Variants in PDE1C observed in about 807,000 individuals in gnomAD.
PDE1C encodes dual specificity calcium/calmodulin-dependent 3',5'-cyclic nucleotide phosphodiesterase 1C.
Under a neutral mutation model 93.1 loss-of-function variants are expected in PDE1C, and 62 were observed. The ratio of observed to expected loss-of-function variants is 0.67; its 90% CI spans 0.54 to 0.82. The LOEUF is 0.82. PDE1C is among the 40% of genes least tolerant of loss of function. The pLI, the probability that PDE1C is intolerant of heterozygous loss-of-function variation, is 0.00. For missense variants in PDE1C, 742 were observed against 884.6 expected, an observed-to-expected ratio of 0.84 and a Z score of 2.04; for synonymous variants, 325 against 310.1, an observed-to-expected ratio of 1.05 and a Z score of -0.50.
chr7:31,937,514 T>C (rs142313337), intron 2 of PDE1C, among the ~76,000 whole-genome samples: 4,045 of 152,226 alleles, frequency 0.027, 63 homozygotes, highest in South Asian at 0.074. Flanking sequence ...TCCCTTCCCA[T>C]CATGGCTGGA....
intron 1 of PDE1C, among the ~76,000 whole-genome samples, chr7:32,401,475 TG>T (rs1219263343): frequency 2.0e-5 from 3 of 150,316 alleles, no homozygotes; most frequent in African/African-American, 7.4e-5. Flanking sequence ...AGGCAGACGT[TG>T]CAGTGAGCCA....
chr7:31,874,960 C>G (rs776165560), intron 5 of PDE1C, among the ~76,000 whole-genome samples: 33 of 152,174 alleles, frequency 2.2e-4, no homozygotes, highest in African/African-American at 7.5e-4. Flanking sequence ...CACCAATGAC[C>G]CTTAATGATC....
chr7:32,340,961 T>C (rs1783735395), intron 1 of PDE1C, among the ~76,000 whole-genome samples: 1 of 152,086 alleles, frequency 6.6e-6, no homozygotes, highest in Non-Finnish European at 1.5e-5. Context: ...ACCCATAGAC[T>C]GTGCAACACC....
intron 2 of PDE1C, among the ~76,000 whole-genome samples, chr7:32,174,581 T>A (rs1294017439): frequency 6.6e-6 from 1 of 152,092 alleles, no homozygotes; most frequent in Non-Finnish European, 1.5e-5. Context: ...ACAAAGCAGC[T>A]CCTGAGGCTG....
intron 2 of PDE1C, among the ~76,000 whole-genome samples, chr7:31,924,770 T>C (rs1803123756): frequency 6.6e-6 from 1 of 152,140 alleles, no homozygotes; most frequent in Admixed American, 6.5e-5. Context: ...GTCCAAAGCA[T>C]CACATTTTTC....
intron 2 of PDE1C, among the ~76,000 whole-genome samples, chr7:31,939,428 T>G (rs1277249782): frequency 6.6e-6 from 1 of 152,166 alleles, no homozygotes; most frequent in Non-Finnish European, 1.5e-5. Context: ...CCTTTGTTTT[T>G]AATATTTAGT....
the PDE1C span, among the ~76,000 whole-genome samples, chr7:31,710,033 C>T: frequency 0.03 from 4,501 of 152,094 alleles, 241 homozygotes; most frequent in African/African-American, 0.1. Context: ...ACTGTGGTAT[C>T]GGCTACTCAG....
At chr7:32,417,961 A>G (rs1307897577) in intron 1 of PDE1C, among the ~76,000 whole-genome samples, 2 of 152,082 alleles carry the variant, frequency 1.3e-5, no homozygotes, top group Non-Finnish European at 2.9e-5. Flanking sequence ...TACTTCTGGA[A>G]ACTTGTGTTT....
At chr7:31,999,317 T>C (rs1785155583) in intron 2 of PDE1C, among the ~76,000 whole-genome samples, 1 of 152,200 alleles carries the variant, frequency 6.6e-6, no homozygotes, top group African/African-American at 2.4e-5. Flanking sequence ...AATGTGCTTT[T>C]CATAAGAACA....
At chr7:31,789,642 G>A in intron 16 of PDE1C, 2 of 963,906 alleles carry the variant, frequency 2.1e-6, no homozygotes, top group Non-Finnish European at 2.5e-6. Context: ...CTGTATTACA[G>A]AAGTGGGAAA....
At chr7:31,931,973 T>A (rs188548858) in intron 2 of PDE1C, among the ~76,000 whole-genome samples, 113 of 152,332 alleles carry the variant, frequency 7.4e-4, no homozygotes, top group African/African-American at 2.6e-3. Flanking sequence ...GGGAAAGGAT[T>A]CCCTATTTAA....
intron 14 of PDE1C, among the ~76,000 whole-genome samples, chr7:31,817,109 T>C (rs1372880957): frequency 6.6e-6 from 1 of 152,120 alleles, no homozygotes; most frequent in Admixed American, 6.6e-5. Flanking sequence ...ACTAAGATAC[T>C]TGCAGTTTAT....
intron 3 of PDE1C, among the ~76,000 whole-genome samples, chr7:32,128,215 C>T (rs1228021512): frequency 1.3e-5 from 2 of 151,330 alleles, no homozygotes; most frequent in Admixed American, 1.3e-4. Flanking sequence ...AAATAAACAC[C>T]AGTGTATTAA....
At chr7:31,991,203 GT>G (rs1291336185) in intron 2 of PDE1C, among the ~76,000 whole-genome samples, 2 of 152,144 alleles carry the variant, frequency 1.3e-5, no homozygotes, top group African/African-American at 2.4e-5. Flanking sequence ...AGAAATGAGA[GT>G]TAATAGTGCC....
intron 2 of PDE1C, among the ~76,000 whole-genome samples, chr7:31,942,104 T>A (rs1306243490): frequency 3.3e-5 from 5 of 152,146 alleles, no homozygotes; most frequent in Admixed American, 3.3e-4. Flanking sequence ...CTTTTTTCAT[T>A]CGCCTCTAAA....
intron 16 of PDE1C, among the ~76,000 whole-genome samples, chr7:31,776,300 G>A (rs978849589): frequency 2.4e-4 from 37 of 152,162 alleles, no homozygotes; most frequent in African/African-American, 8.2e-4. Flanking sequence ...CAATTGCGTC[G>A]AAGTGTTCCA....
chr7:31,971,769 C>T (rs1810992189), intron 2 of PDE1C, among the ~76,000 whole-genome samples: 1 of 152,222 alleles, frequency 6.6e-6, no homozygotes, highest in Non-Finnish European at 1.5e-5. Flanking sequence ...CCACTCCCTT[C>T]TTCCTCCAAG....
the PDE1C span, chr7:31,651,832 C>A: frequency 3.2e-5 from 21 of 656,546 alleles, no homozygotes; most frequent in Middle Eastern, 4.5e-4. Flanking sequence ...AGATGACATT[C>A]TCTTTTAAGA....
chr7:32,247,239 AATTG>A (rs1809026608), intron 1 of PDE1C, among the ~76,000 whole-genome samples: 1 of 149,930 alleles, frequency 6.7e-6, no homozygotes, highest in Non-Finnish European at 1.5e-5. Context: ...GTTTTGTGCG[AATTG>A]AAGCAGTGGC....
Sources: allele counts gnomAD v4.1 joint callset (sites outside exome capture counted in the v4.1 genomes callset), GRCh38; gene constraint gnomAD v4.1.1; transcripts MANE v1.5; gene names NCBI Gene and HGNC (gene_info 2026-07-23, HGNC 2026-07-21).